TYW1B: variants seen among roughly 807,000 people sequenced by gnomAD.
TYW1B encodes the protein tRNA-yW synthesizing protein 1 homolog B, also known as S-adenosyl-L-methionine-dependent tRNA 4-demethylwyosine synthase TYW1B.
Under a neutral mutation model 86.9 loss-of-function variants are expected in TYW1B, and 73 were observed. That is an observed-to-expected ratio of 0.84 (90% confidence interval 0.70 to 1.02). The LOEUF (loss-of-function observed/expected upper bound fraction) is 1.02. Ranked by LOEUF, TYW1B falls within the 50% of genes least tolerant of loss-of-function variation. The pLI is 0.00. For missense variants in TYW1B, 637 were observed against 827.4 expected (o/e 0.77, Z 2.82); for synonymous variants, 248 against 292.8 (o/e 0.85, Z 1.56).
At chr7:72,644,520 C>G (rs1344823968) in intron 11 of TYW1B, among the ~76,000 whole-genome samples, 1 of 152,064 alleles carries the variant, frequency 6.6e-6, no homozygotes, top group East Asian at 1.9e-4. Flanking sequence ...TGCACTCCAG[C>G]CCGGGCGACA....
intron 2 of TYW1B, among the ~76,000 whole-genome samples, chr7:72,825,968 G>T (rs1788922588): frequency 1.3e-5 from 2 of 152,184 alleles, no homozygotes; most frequent in Non-Finnish European, 2.9e-5. Context: ...CTGGGAGAAA[G>T]AATAAAGAAG....
intron 10 of TYW1B, among the ~76,000 whole-genome samples, chr7:72,698,405 G>T (rs1300373280): frequency 1.3e-5 from 2 of 152,166 alleles, no homozygotes; most frequent in Non-Finnish European, 2.9e-5. Context: ...AACACTTTGG[G>T]AGGCTGAGGC....
chr7:72,728,764 A>G (rs1455429752), intron 9 of TYW1B, 58 bp downstream of exon 9: 28 of 1,510,182 alleles, frequency 1.9e-5, no homozygotes, highest in Non-Finnish European at 2.3e-5. Context: ...TTCTTCTGCC[A>G]ATCTGATTCA....
chr7:72,653,774 G>A (rs1461259205), intron 11 of TYW1B, among the ~76,000 whole-genome samples: 3 of 150,910 alleles, frequency 2.0e-5, no homozygotes, highest in African/African-American at 4.9e-5. Flanking sequence ...AAAAGCCAAC[G>A]TCTATTCATG....
intron 11 of TYW1B, among the ~76,000 whole-genome samples, chr7:72,660,373 C>CCAAACAAA (rs540824257): frequency 6.6e-6 from 1 of 151,808 alleles, no homozygotes; most frequent in Non-Finnish European, 1.5e-5. Context: ...GTCCCTGTCT[C>CCAAACAAA]CAAACAAACA....
intron 6 of TYW1B, among the ~76,000 whole-genome samples, chr7:72,783,249 T>C (rs1788077098): frequency 6.6e-6 from 1 of 151,838 alleles, no homozygotes; most frequent in Non-Finnish European, 1.5e-5. Context: ...AATACAAAAA[T>C]TAGCCGGGCG....
At chr7:72,689,056 TA>T (rs1423936192) in intron 11 of TYW1B, among the ~76,000 whole-genome samples, 2 of 152,122 alleles carry the variant, frequency 1.3e-5, no homozygotes, top group Admixed American at 1.3e-4. Flanking sequence ...TGCCTGTGGA[TA>T]GGGGTCCCAC....
intron 11 of TYW1B, among the ~76,000 whole-genome samples, chr7:72,649,764 G>T (rs1554442523): frequency 2.0e-5 from 3 of 152,140 alleles, no homozygotes; most frequent in South Asian, 2.1e-4. Flanking sequence ...CCTAGAGCAG[G>T]TCTATTTCTC....
chr7:72,622,618 CACACAA>C (rs1213837669), intron 12 of TYW1B, among the ~76,000 whole-genome samples: 2 of 152,024 alleles, frequency 1.3e-5, no homozygotes, highest in Non-Finnish European at 2.9e-5. Context: ...CACACGGACA[CACACAA>C]ACACAAACAC....
chr7:72,659,394 C>T (rs1813278932), intron 11 of TYW1B, among the ~76,000 whole-genome samples: 2 of 152,126 alleles, frequency 1.3e-5, no homozygotes, highest in Non-Finnish European at 2.9e-5. Flanking sequence ...AACTGGCTAA[C>T]ATGGTGAAAC....
intron 11 of TYW1B, among the ~76,000 whole-genome samples, chr7:72,686,814 T>C (rs755365466): frequency 2.0e-5 from 3 of 152,000 alleles, no homozygotes; most frequent in Admixed American, 6.6e-5. Context: ...ATAGGGGGGA[T>C]ATGGAAAATC....
intron 6 of TYW1B, among the ~76,000 whole-genome samples, chr7:72,797,690 C>A (rs1390922245): frequency 6.6e-6 from 1 of 152,110 alleles, no homozygotes; most frequent in African/African-American, 2.4e-5. Context: ...GCACTTCAGT[C>A]TGGATGAAGG....
rs190184380 is a variant in TYW1B, at chr7:72,716,734, G to A, written c.1193-2936C>T. 2.0e-3 allele frequency among the ~76,000 whole-genome samples: 311 copies of A among 151,788 alleles called. 2 individuals carry two copies. Among genetic ancestry groups the A allele is most frequent in the African/African-American group, 7.2e-3 (298 of 41,376 alleles). On this transcript the variant is annotated intron_variant, in intron 9 of 13. Transcript: ENST00000620995. Reference sequence around the variant, plus strand: ...GCTCACTGCAACCTCCGCCTCCCGGGTTCAAGCAATTCTCCTGCCTCAGCC... The same window carrying A: ...GCTCACTGCAACCTCCGCCTCCCGGATTCAAGCAATTCTCCTGCCTCAGCC...
At chr7:72,737,918 G>C (rs1203152022) in intron 8 of TYW1B, among the ~76,000 whole-genome samples, 2 of 150,652 alleles carry the variant, frequency 1.3e-5, no homozygotes, top group Non-Finnish European at 3.0e-5. Context: ...GGGACTACAG[G>C]TGCCCGCCAC....
At chr7:72,814,902 C>CAAA (rs35390409) in intron 3 of TYW1B, among the ~76,000 whole-genome samples, 2 of 125,828 alleles carry the variant, frequency 1.6e-5, no homozygotes, top group African/African-American at 5.8e-5. Flanking sequence ...TCAACTCTAG[C>CAAA]AAAAAAAAAA....
chr7:72,793,862 G>A (rs1464278197), intron 6 of TYW1B, among the ~76,000 whole-genome samples: 2 of 152,146 alleles, frequency 1.3e-5, no homozygotes, highest in Middle Eastern at 3.4e-3. Flanking sequence ...TGTTGGTAAG[G>A]TACTTTAAGT....
At chr7:72,602,922 C>T (rs1811701834) in intron 13 of TYW1B, among the ~76,000 whole-genome samples, 1 of 148,694 alleles carries the variant, frequency 6.7e-6, no homozygotes. Context: ...ACACAGGAGC[C>T]AACTGAAAGA....
chr7:72,706,044 C>A (rs1461237205), intron 10 of TYW1B, among the ~76,000 whole-genome samples: 2 of 152,062 alleles, frequency 1.3e-5, no homozygotes, highest in Non-Finnish European at 2.9e-5. Context: ...TCTACAGGGA[C>A]CAGGAAATAA....
At chr7:72,777,616 TAA>T (rs1787979725) in intron 6 of TYW1B, 83 bp from the exon 7 acceptor site, 1 of 1,526,348 alleles carries the variant, frequency 6.6e-7, no homozygotes, top group Non-Finnish European at 8.9e-7. Flanking sequence ...CTAGCATCAA[TAA>T]AAAGGTCCAT....
Sources: gnomAD v4.1 joint callset for allele counts (sites outside exome capture counted in the v4.1 genomes callset) on GRCh38, gnomAD v4.1.1 for gene constraint, MANE v1.5 for transcripts, NCBI Gene and HGNC (gene_info 2026-07-23, HGNC 2026-07-21) for gene names.